CMTM6: variants seen among roughly 807,000 people sequenced by gnomAD.
The protein encoded by CMTM6 is CKLF-like MARVEL transmembrane domain-containing protein 6.
Under a neutral mutation model 13.6 loss-of-function variants are expected in CMTM6, and 5 were observed. The ratio of observed to expected loss-of-function variants is 0.37; its 90% confidence interval spans 0.19 to 0.77. The LOEUF (loss-of-function observed/expected upper bound fraction) is 0.77, where lower values mean the gene tolerates loss of function less well. Ranked by LOEUF, CMTM6 falls within the 30% of genes least tolerant of loss-of-function variation. CMTM6 has a pLI of 0.50. For synonymous variants in CMTM6, 99 were observed against 84.5 expected (o/e 1.17, Z -0.94); for missense variants, 196 against 218.6 (o/e 0.90, Z 0.65).
chr3:32,486,647 C>T (rs1697207805), intron 3 of CMTM6, among the ~76,000 whole-genome samples: 1 of 152,092 alleles, frequency 6.6e-6, no homozygotes, highest in South Asian at 2.1e-4. Context: ...CTTTGTTGTA[C>T]TCAAGGGTTT....
rs1697355612 is a variant in CMTM6 at position 32,502,588 on chromosome 3, C to T, written c.138+20G>A. The T allele has an allele frequency of 6.3e-7, 1 of 1,585,610 alleles. No homozygotes were observed. The highest frequency in any genetic ancestry group is 1.1e-5 in the South Asian group (1 of 87,182). On this transcript the variant is annotated intron_variant, in intron 1 of 3. Transcript: ENST00000205636. ...CCCCGCTCCCCAGCCCGGGCTCGCC[C>T]TCCCTGACCGCGGACTCACCAGCTG...
rs1697168136 is a variant in CMTM6 at position 32,482,930 on chromosome 3, AGAG to A, written c.*1027_*1029del. 1 of 152,426 alleles carries A rather than the reference AGAG, an allele frequency of 6.6e-6. No homozygotes were observed. Among genetic ancestry groups the A allele is most frequent in the African/African-American group, 2.4e-5 (1 of 41,434 alleles). 9.4% of individuals were successfully genotyped at this position (152,426 alleles called of 1,614,324 possible). A position where few individuals can be genotyped will look rare whatever the true frequency, so the allele number is the denominator to read the frequency against. On this transcript the variant is annotated 3_prime_UTR_variant, in exon 4 of 4. Coordinates refer to ENST00000205636, the MANE Select transcript of CMTM6 (RefSeq NM_017801.3). ...CTCCATTTCTATCTGATAAGGAGAC[AGAG>A]AAGAGGCATCTCGAACAGATGAAAA...
rs529596673 is a variant in CMTM6 at position 32,496,401 on chromosome 3, G to T, written c.139-4515C>A. Among the ~76,000 whole-genome samples the T allele has an allele frequency of 1.8e-3, 270 of 151,706 alleles. 1 individual carries two copies. Among genetic ancestry groups the T allele is most frequent in the African/African-American group, 6.3e-3 (259 of 41,330 alleles). The stretch of plus-strand genomic sequence containing the variant: ...GTTTGAGACCAGCCTGGGCAACATG[G>T]TGAAACCCCATCTCTACCAAAAAAA... On this transcript the variant is annotated intron_variant, in intron 1 of 3. Coordinates refer to ENST00000205636, the MANE Select transcript of CMTM6 (RefSeq NM_017801.3).
At chr3:32,488,304 A>T (rs1697222252) in intron 2 of CMTM6, 4 of 203,540 alleles carry the variant, frequency 2.0e-5, no homozygotes, top group Non-Finnish European at 3.9e-5. Flanking sequence ...ATGCCAGGAG[A>T]GGTGGCATGA....
chr3:32,502,547 C>G (rs1473847522), intron 1 of CMTM6, 61 bp downstream of exon 1: 1 of 1,545,776 alleles, frequency 6.5e-7, no homozygotes, highest in African/African-American at 1.4e-5. Flanking sequence ...CGGCGGCCTC[C>G]CAAGCCCGGG....
chr3:32,500,385 G>C (rs998214143), intron 1 of CMTM6, among the ~76,000 whole-genome samples: 37 of 152,144 alleles, frequency 2.4e-4, no homozygotes, highest in African/African-American at 8.7e-4. Flanking sequence ...GTAATATACT[G>C]TTACTGTGAA....
intron 1 of CMTM6, among the ~76,000 whole-genome samples, chr3:32,500,333 G>A (rs1575140083): frequency 6.6e-6 from 1 of 152,152 alleles, no homozygotes; most frequent in African/African-American, 2.4e-5. Flanking sequence ...AACTTTTACC[G>A]ACTTCATATG....
intron 3 of CMTM6, among the ~76,000 whole-genome samples, chr3:32,485,416 G>C (rs983772684): frequency 1.3e-5 from 2 of 151,656 alleles, no homozygotes; most frequent in Non-Finnish European, 2.9e-5. Context: ...TTTTTTTATA[G>C]CTGTAAATTT....
chr3:32,497,588 G>A (rs541063234), intron 1 of CMTM6, among the ~76,000 whole-genome samples: 7 of 150,748 alleles, frequency 4.6e-5, no homozygotes, highest in South Asian at 4.2e-4. Context: ...GGCCGGGCGC[G>A]GTGGCTCACG....
At position 32,483,854 on chromosome 3, in the gene CMTM6, AAAG is replaced by A. The variant is rs1697178769; in HGVS notation, c.*103_*105del. 2 of 1,166,462 alleles carry A rather than the reference AAAG, an allele frequency of 1.7e-6. No homozygotes were observed. Among genetic ancestry groups the A allele is most frequent in the Non-Finnish European group, 2.3e-6 (2 of 879,360 alleles). The allele number at this position is 1,166,462 out of a possible 1,614,324, so 72.3% of individuals were successfully genotyped here. ...TTCTTGACCTTCCCCTTGCTCTCCA[AAAG>A]AAGTGGTTTAAACAATTAACAAATT... On this transcript the variant is annotated 3_prime_UTR_variant, in exon 4 of 4. Transcript: ENST00000205636.
At chr3:32,499,930 A>C (rs1483130142) in intron 1 of CMTM6, among the ~76,000 whole-genome samples, 1 of 152,018 alleles carries the variant, frequency 6.6e-6, no homozygotes, top group Non-Finnish European at 1.5e-5. Flanking sequence ...AAGAGTGCAA[A>C]GAACCTCAGA....
chr3:32,501,169 A>T (rs1425178401), intron 1 of CMTM6, among the ~76,000 whole-genome samples: 1 of 145,538 alleles, frequency 6.9e-6, no homozygotes, highest in Non-Finnish European at 1.5e-5. Context: ...AGCCTTGGCG[A>T]TAGAGCAAGA....
intron 2 of CMTM6, among the ~76,000 whole-genome samples, chr3:32,488,885 G>A (rs72858888): frequency 6.6e-6 from 1 of 152,206 alleles, no homozygotes; most frequent in African/African-American, 2.4e-5. Context: ...GATTCAGAAA[G>A]GGAAACTTGG....
chr3:32,489,882 C>G (rs1697236356), intron 2 of CMTM6, among the ~76,000 whole-genome samples: 1 of 152,164 alleles, frequency 6.6e-6, no homozygotes, highest in African/African-American at 2.4e-5. Context: ...GAGTTCAAAT[C>G]TGAGCTATAC....
At chr3:32,492,024 T>G (rs1178037795) in intron 1 of CMTM6, 138 bp from the exon 2 acceptor site, 1 of 712,374 alleles carries the variant, frequency 1.4e-6, no homozygotes, top group Non-Finnish European at 2.3e-6. Flanking sequence ...TGAATAAACC[T>G]TATCTACACA....
chr3:32,491,754 T>C lies in CMTM6; in HGVS notation c.271A>G (p.Thr91Ala), dbSNP rs35574803. The C allele has an allele frequency of 0.022, 35,183 of 1,607,772 alleles. 486 individuals carry two copies. The highest frequency in any genetic ancestry group is 0.027 in the Non-Finnish European group (31,205 of 1,177,540). Residue 91 changes from threonine (T) to alanine (A), a missense_variant, in exon 2 of 4, where the codon ACT (threonine) becomes GCT (alanine). Around this residue, in one of 2 missense-constraint regions of CMTM6, gnomAD observed 111 missense variants for 160.0 expected, o/e 0.69. Coordinates refer to ENST00000205636, the MANE Select transcript of CMTM6 (RefSeq NM_017801.3). ...GTATCAACTCTCTCATAAAATGGAGTGCAATACACAATCAGTATAAGGAGA... is the reference window on the plus strand; with the variant it reads ...GTATCAACTCTCTCATAAAATGGAGCGCAATACACAATCAGTATAAGGAGA... ...LSLLILIVYC[T>A]PFYERVDTTK...
chr3:32,487,712 G>A (rs1575137072), intron 3 of CMTM6: 1 of 396,880 alleles, frequency 2.5e-6, no homozygotes, highest in Non-Finnish European at 4.6e-6. Flanking sequence ...CACGGTATGT[G>A]GAGTAAGTGG....
At position 32,502,768 on chromosome 3, in the gene CMTM6, C is replaced by T; in HGVS notation, c.-23G>A. 1 of 1,406,664 alleles carries T rather than the reference C, an allele frequency of 7.1e-7. No individual in the cohort carries two copies. The highest frequency in any genetic ancestry group is 9.3e-7 in the Non-Finnish European group (1 of 1,080,194). 87.1% of individuals were successfully genotyped at this position (1,406,664 alleles called of 1,614,324 possible). On this transcript the variant is annotated 5_prime_UTR_variant, in exon 1 of 4. Coordinates refer to ENST00000205636, the MANE Select transcript of CMTM6 (RefSeq NM_017801.3). Reference sequence around the variant, plus strand: ...CATCGCCTCGGGCCGGGGAGCGCGGCGGCCGCAGCAACCGCGCCGTTGACT... The same window carrying T: ...CATCGCCTCGGGCCGGGGAGCGCGGTGGCCGCAGCAACCGCGCCGTTGACT...
chr3:32,500,253 C>T (rs1012644784), intron 1 of CMTM6, among the ~76,000 whole-genome samples: 1 of 152,148 alleles, frequency 6.6e-6, no homozygotes, highest in African/African-American at 2.4e-5. Flanking sequence ...TAAAGTAAAA[C>T]AACCAATCTA....
Sources: allele counts gnomAD v4.1 joint callset (sites outside exome capture counted in the v4.1 genomes callset), GRCh38; gene constraint gnomAD v4.1.1; regional missense constraint gnomAD v4.1.1; transcripts MANE v1.5; gene names NCBI Gene and HGNC (gene_info 2026-07-23, HGNC 2026-07-21).